RBFOX1: variants seen among roughly 807,000 people sequenced by gnomAD.
The protein encoded by RBFOX1 is RNA binding protein fox-1 homolog 1.
A neutral mutation model predicts 57.7 loss-of-function variants in RBFOX1; 8 were observed. The observed-to-expected ratio is 0.14, with a 90% CI of 0.08 to 0.25. The LOEUF (loss-of-function observed/expected upper bound fraction) is 0.25, where lower values mean the gene tolerates loss of function less well. RBFOX1 is among the 10% of genes least tolerant of loss of function. The pLI, the probability that RBFOX1 is intolerant of heterozygous loss-of-function variation, is 1.00. For synonymous variants in RBFOX1, 326 were observed against 222.4 expected, an observed-to-expected ratio of 1.47 and a Z score of -4.15; for missense variants, 611 against 548.5, an observed-to-expected ratio of 1.11 and a Z score of -1.14.
rs146411533 is a variant in RBFOX1 at position 5,696,076 on chromosome 16, G to A, written c.318+97115G>A. The stretch of plus-strand genomic sequence containing the variant: ...TAAATCCAGAAAGTGGGAAATTCTG[G>A]TAGAAAATTACAGAGAAGAATATAG... On this transcript the variant is annotated intron_variant, in intron 3 of 19. Transcript: ENST00000641259. Among the ~76,000 whole-genome samples, 50 of 152,264 alleles carry A rather than the reference G, an allele frequency of 3.3e-4. No homozygotes were observed. In the East Asian group the frequency reaches 9.1e-3, roughly 28 times the overall value.
rs200992808 is a variant in RBFOX1 at position 7,710,795 on chromosome 16, G to C, written c.*50G>C. 3.4e-6 allele frequency: 5 copies of C among 1,452,804 alleles called. No individual in the cohort carries two copies. The highest frequency in any genetic ancestry group is 2.5e-5 in the East Asian group (1 of 40,034). 90.0% of individuals were successfully genotyped at this position (1,452,804 alleles called of 1,614,324 possible). ...AATGTGGGGAGAAAGGAAGCTTTCC[G>C]AGGCCTGAGTATTGCAATACATGCA... On this transcript the variant is annotated 3_prime_UTR_variant, in exon 16 of 16. Transcript: ENST00000550418.
chr16:7,410,332 A>G (rs2098411231), intron 4 of RBFOX1, among the ~76,000 whole-genome samples: 2 of 152,210 alleles, frequency 1.3e-5, no homozygotes, highest in Admixed American at 6.5e-5. Context: ...AGCTGTGGGA[A>G]TAATTTGCCC....
chr16:6,628,313 T>C (rs2098337221), intron 2 of RBFOX1, among the ~76,000 whole-genome samples: 1 of 152,248 alleles, frequency 6.6e-6, no homozygotes, highest in Admixed American at 6.5e-5. Context: ...AATTGAAAAC[T>C]ACCGGTATCT....
At chr16:6,069,398 C>CA (rs34337622) in intron 1 of RBFOX1, among the ~76,000 whole-genome samples, 28,659 of 113,690 alleles carry the variant, frequency 0.25, 4,196 homozygotes, top group Non-Finnish European at 0.35. Context: ...AACTCTGCCT[C>CA]AAAAAAAAAA....
intron 1 of RBFOX1, among the ~76,000 whole-genome samples, chr16:6,288,857 T>A (rs1174108557): frequency 1.3e-5 from 2 of 152,100 alleles, no homozygotes; most frequent in African/African-American, 2.4e-5. Context: ...AGGGTTGGAA[T>A]TCTGGATCTA....
Position 6,103,349 on chromosome 16 carries a change from G to T in RBFOX1, c.-127+83357G>T, listed in dbSNP as rs76202196. The stretch of plus-strand genomic sequence containing the variant: ...TGGTATTCCCTTCATAAGTATTTTT[G>T]TGAAAGTTAAATTAGATGACATATG... On this transcript the variant is annotated intron_variant, in intron 1 of 15. Coordinates refer to ENST00000550418, the MANE Select transcript of RBFOX1 (RefSeq NM_018723.4). Among the ~76,000 whole-genome samples the T allele has an allele frequency of 5.3e-3, 804 of 152,178 alleles. 7 individuals are homozygous for T. The highest frequency in any genetic ancestry group is 0.018 in the African/African-American group (750 of 41,510).
At chr16:5,793,015 A>G (rs895312820) in intron 3 of RBFOX1, among the ~76,000 whole-genome samples, 3 of 152,240 alleles carry the variant, frequency 2.0e-5, no homozygotes, top group African/African-American at 7.2e-5. Flanking sequence ...GAAAATCTAC[A>G]TAGAAATGAA....
intron 3 of RBFOX1, among the ~76,000 whole-genome samples, chr16:6,790,940 G>A (rs933718842): frequency 2.0e-5 from 3 of 151,446 alleles, no homozygotes; most frequent in African/African-American, 7.3e-5. Flanking sequence ...GGGTCTGACT[G>A]TGTCACCCAG....
chr16:6,758,466 TAGAC>T (rs1487629845), intron 3 of RBFOX1, among the ~76,000 whole-genome samples: 1 of 152,102 alleles, frequency 6.6e-6, no homozygotes, highest in African/African-American at 2.4e-5. Flanking sequence ...AGCAAAATGT[TAGAC>T]AGAGCCTTGG....
At chr16:7,554,660 T>C (rs1204645894) in intron 5 of RBFOX1, among the ~76,000 whole-genome samples, 1 of 152,166 alleles carries the variant, frequency 6.6e-6, no homozygotes, top group Admixed American at 6.5e-5. Flanking sequence ...CTTTTTTTTT[T>C]TAATTTTTTT....
chr16:7,467,960 G>C (rs1000302112), intron 4 of RBFOX1, among the ~76,000 whole-genome samples: 1 of 152,238 alleles, frequency 6.6e-6, no homozygotes, highest in African/African-American at 2.4e-5. Flanking sequence ...TTATTGCTAA[G>C]AGGGAAAACC....
At chr16:6,076,293 C>G (rs1196355233) in intron 1 of RBFOX1, among the ~76,000 whole-genome samples, 1 of 130,056 alleles carries the variant, frequency 7.7e-6, no homozygotes, top group Non-Finnish European at 1.8e-5. Context: ...GAGCAAAACT[C>G]TGTCTCAAAA....
At chr16:6,992,925 G>T (rs919319501) in intron 3 of RBFOX1, among the ~76,000 whole-genome samples, 1 of 151,686 alleles carries the variant, frequency 6.6e-6, no homozygotes. Flanking sequence ...AATTATAATG[G>T]ATTTCATTGT....
intron 3 of RBFOX1, among the ~76,000 whole-genome samples, chr16:5,728,113 C>G (rs1011457300): frequency 2.0e-5 from 3 of 152,196 alleles, no homozygotes; most frequent in Admixed American, 1.3e-4. Context: ...AGTGGACATT[C>G]AAAAGAAATA....
chr16:6,315,422 G>A (rs1776641608), intron 1 of RBFOX1, among the ~76,000 whole-genome samples: 1 of 149,430 alleles, frequency 6.7e-6, no homozygotes. Flanking sequence ...GGATAGGTGA[G>A]GGATGGGTGG....
chr16:6,926,822 C>T (rs1007739430), intron 3 of RBFOX1, among the ~76,000 whole-genome samples: 2 of 152,098 alleles, frequency 1.3e-5, no homozygotes, highest in African/African-American at 4.8e-5. Context: ...CTTTCTGTCC[C>T]GTGCAGATAC....
At chr16:5,286,655 GA>G (rs2063402812) in intron 1 of RBFOX1, among the ~76,000 whole-genome samples, 1 of 152,204 alleles carries the variant, frequency 6.6e-6, no homozygotes, top group Admixed American at 6.5e-5. Flanking sequence ...TCGTAAGGGG[GA>G]TTAGGCTAAA....
At position 5,751,170 on chromosome 16, in the gene RBFOX1, G is replaced by A. The variant is rs145872179; in HGVS notation, c.319-116133G>A. Reference sequence around the variant, plus strand: ...GAAATTCTGCTTTCTGTTCAATCCAGACAGTTTGAGGAGCTCTCCCCGAAG... The same window carrying A: ...GAAATTCTGCTTTCTGTTCAATCCAAACAGTTTGAGGAGCTCTCCCCGAAG... On this transcript the variant is annotated intron_variant, in intron 3 of 19. Transcript: ENST00000641259. Among the ~76,000 whole-genome samples the A allele has an allele frequency of 6.0e-4, 92 of 152,278 alleles. No individual in the cohort carries two copies. The East Asian group carries it at 0.016, about 27-fold the overall frequency.
At chr16:6,799,601 C>T (rs1239621932) in intron 3 of RBFOX1, among the ~76,000 whole-genome samples, 1 of 152,072 alleles carries the variant, frequency 6.6e-6, no homozygotes, top group Non-Finnish European at 1.5e-5. Context: ...GAGAGAAAGA[C>T]CCACCCTCAA....
Sources: allele counts gnomAD v4.1 joint callset (sites outside exome capture counted in the v4.1 genomes callset), GRCh38; gene constraint gnomAD v4.1.1; transcripts MANE v1.5; gene names NCBI Gene and HGNC (gene_info 2026-07-23, HGNC 2026-07-21).